Variants in PRKCE observed in about 807,000 individuals in gnomAD.
The protein encoded by PRKCE is protein kinase C epsilon type.
A neutral mutation model predicts 85.4 loss-of-function variants in PRKCE; 16 were observed. The observed-to-expected ratio is 0.19, with a 90% CI of 0.13 to 0.28. The LOEUF is 0.28. PRKCE is among the 10% of genes least tolerant of loss of function. The pLI is 1.00. For synonymous variants in PRKCE, 388 were observed against 371.5 expected, an observed-to-expected ratio of 1.04 and a Z score of -0.51; for missense variants, 573 against 975.2, an observed-to-expected ratio of 0.59 and a Z score of 5.49.
At chr2:45,958,557 C>A (rs1385999411) in intron 2 of PRKCE, among the ~76,000 whole-genome samples, 2 of 150,012 alleles carry the variant, frequency 1.3e-5, no homozygotes, top group Non-Finnish European at 3.0e-5. Flanking sequence ...AAACAACTCC[C>A]TTTCACACTA....
intron 14 of PRKCE, among the ~76,000 whole-genome samples, chr2:46,181,916 G>A (rs1299615435): frequency 6.6e-6 from 1 of 152,106 alleles, no homozygotes; most frequent in African/African-American, 2.4e-5. Flanking sequence ...AGATGGTGAA[G>A]GCATCTCCTG....
intron 1 of PRKCE, among the ~76,000 whole-genome samples, chr2:45,821,805 C>T (rs531985288): frequency 6.6e-6 from 1 of 152,104 alleles, no homozygotes; most frequent in East Asian, 1.9e-4. Flanking sequence ...AGAAGTGTCC[C>T]GATGGCAGCT....
intron 2 of PRKCE, among the ~76,000 whole-genome samples, chr2:45,921,299 C>T (rs1430191745): frequency 6.6e-6 from 1 of 152,116 alleles, no homozygotes; most frequent in Non-Finnish European, 1.5e-5. Context: ...TTCCTATAGC[C>T]TTTGAGGGAG....
intron 1 of PRKCE, among the ~76,000 whole-genome samples, chr2:45,733,521 T>C (rs1184457876): frequency 6.6e-6 from 1 of 152,142 alleles, no homozygotes; most frequent in African/African-American, 2.4e-5. Context: ...CTAAGCAAGG[T>C]AAGGGGCATT....
chr2:46,064,982 T>C (rs1007497551), intron 10 of PRKCE, among the ~76,000 whole-genome samples: 1 of 152,170 alleles, frequency 6.6e-6, no homozygotes, highest in Non-Finnish European at 1.5e-5. Context: ...AGAAGAGAAA[T>C]TTTTCATGTT....
chr2:45,963,598 C>T (rs977140844), intron 2 of PRKCE, among the ~76,000 whole-genome samples: 6 of 152,170 alleles, frequency 3.9e-5, no homozygotes, highest in African/African-American at 9.7e-5. Flanking sequence ...CATGAGCTAC[C>T]GCGCCCGGCC....
intron 1 of PRKCE, among the ~76,000 whole-genome samples, chr2:45,747,647 A>G (rs1187230374): frequency 6.6e-6 from 1 of 152,214 alleles, no homozygotes; most frequent in Non-Finnish European, 1.5e-5. Context: ...TTGGCTATTG[A>G]ATAATGATGC....
At chr2:45,992,287 T>A (rs1703864191) in intron 6 of PRKCE, among the ~76,000 whole-genome samples, 1 of 152,186 alleles carries the variant, frequency 6.6e-6, no homozygotes, top group Non-Finnish European at 1.5e-5. Context: ...AAATTCAGTC[T>A]GAGCTTTGAT....
At chr2:45,861,209 T>G (rs1366872596) in intron 2 of PRKCE, among the ~76,000 whole-genome samples, 1 of 151,862 alleles carries the variant, frequency 6.6e-6, no homozygotes, top group East Asian at 1.9e-4. Context: ...GTATTAGGGG[T>G]AGGGGTGGGC....
chr2:45,889,241 G>A (rs947562003), intron 2 of PRKCE, among the ~76,000 whole-genome samples: 17 of 152,212 alleles, frequency 1.1e-4, no homozygotes, highest in African/African-American at 3.4e-4. Context: ...AGCTGCAGTG[G>A]TACCACGTGA....
intron 2 of PRKCE, among the ~76,000 whole-genome samples, chr2:45,970,594 G>C (rs929898824): frequency 6.6e-6 from 1 of 152,066 alleles, no homozygotes; most frequent in African/African-American, 2.4e-5. Flanking sequence ...AGAAGATATG[G>C]CAACCCCATG....
chr2:45,977,469 T>C (rs938634876), intron 3 of PRKCE, among the ~76,000 whole-genome samples: 1 of 151,882 alleles, frequency 6.6e-6, no homozygotes, highest in Non-Finnish European at 1.5e-5. Flanking sequence ...AAACCCTGTG[T>C]CTACTAAAAA....
chr2:45,901,562 A>G (rs900052403), intron 2 of PRKCE, among the ~76,000 whole-genome samples: 8 of 152,220 alleles, frequency 5.3e-5, no homozygotes, highest in East Asian at 1.9e-4. Context: ...AACTAAGGCT[A>G]TTTAAAGCTG....
chr2:45,823,415 T>C lies in PRKCE; in HGVS notation c.349-19585T>C, dbSNP rs184977955. ...TTTCGCAGACAGGCTATTGAAACTT[T>C]TGGATCTCATTAAATCAGGAAACCT... On this transcript the variant is annotated intron_variant, in intron 1 of 14. Coordinates refer to ENST00000306156, the MANE Select transcript of PRKCE (RefSeq NM_005400.3). Among the ~76,000 whole-genome samples, 11 of 152,356 alleles carry C rather than the reference T, an allele frequency of 7.2e-5. No homozygotes were observed. The East Asian group carries it at 2.1e-3, about 29-fold the overall frequency.
intron 1 of PRKCE, among the ~76,000 whole-genome samples, chr2:45,834,168 G>A (rs1690660257): frequency 6.6e-6 from 1 of 152,188 alleles, no homozygotes; most frequent in Non-Finnish European, 1.5e-5. Flanking sequence ...TCTGTAACGT[G>A]GGCCTCTGGT....
chr2:45,923,073 A>G (rs77764046), intron 2 of PRKCE, among the ~76,000 whole-genome samples: 8 of 152,350 alleles, frequency 5.3e-5, no homozygotes, highest in East Asian at 1.9e-4. Flanking sequence ...CCTTGTGCTT[A>G]TAACAGAGGA....
At chr2:45,747,658 A>G (rs373898001) in intron 1 of PRKCE, among the ~76,000 whole-genome samples, 50 of 152,340 alleles carry the variant, frequency 3.3e-4, no homozygotes, top group African/African-American at 1.2e-3. Context: ...ATAATGATGC[A>G]ATGAACATGG....
intron 10 of PRKCE, among the ~76,000 whole-genome samples, chr2:46,065,881 G>A (rs1246752428): frequency 1.3e-5 from 2 of 152,202 alleles, no homozygotes; most frequent in Non-Finnish European, 2.9e-5. Context: ...TGATGGCACG[G>A]TCTCTTGGGA....
At chr2:46,045,045 T>A (rs895280334) in intron 10 of PRKCE, among the ~76,000 whole-genome samples, 1 of 152,208 alleles carries the variant, frequency 6.6e-6, no homozygotes, top group African/African-American at 2.4e-5. Flanking sequence ...TAAAGAGCAT[T>A]TTTTAAGCTC....
Sources: gnomAD v4.1 joint callset for allele counts (sites outside exome capture counted in the v4.1 genomes callset) on GRCh38, gnomAD v4.1.1 for gene constraint, MANE v1.5 for transcripts, NCBI Gene and HGNC (gene_info 2026-07-23, HGNC 2026-07-21) for gene names.